PRORP: variants seen among roughly 807,000 people sequenced by gnomAD.
PRORP encodes the protein protein only RNase P catalytic subunit.
Under a neutral mutation model 59.4 loss-of-function variants are expected in PRORP, and 51 were observed. That is an observed-to-expected ratio of 0.86 (90% CI 0.69 to 1.08). The LOEUF (loss-of-function observed/expected upper bound fraction) is 1.08, where lower values mean the gene tolerates loss of function less well. PRORP is among the 50% of genes least tolerant of loss of function. The probability of loss-of-function intolerance (pLI) is 0.00; values close to 1 mark genes in which losing one functional copy is unlikely to be tolerated. For synonymous variants in PRORP, 231 were observed against 245.6 expected, an observed-to-expected ratio of 0.94 and a Z score of 0.55; for missense variants, 646 against 690.3, an observed-to-expected ratio of 0.94 and a Z score of 0.72.
chr14:35,182,034 C>G (rs890450274), intron 5 of PRORP, among the ~76,000 whole-genome samples: 2 of 151,662 alleles, frequency 1.3e-5, no homozygotes, highest in African/African-American at 4.8e-5. Flanking sequence ...GAGGCTGAGG[C>G]GGGCAGATTG....
chr14:35,153,307 G>T (rs971578009), intron 4 of PRORP, among the ~76,000 whole-genome samples: 5 of 152,222 alleles, frequency 3.3e-5, no homozygotes, highest in South Asian at 2.1e-4. Flanking sequence ...GGAGAATCAG[G>T]CAGGGAGGTT....
At chr14:35,138,433 T>C (rs1355040967) in intron 4 of PRORP, among the ~76,000 whole-genome samples, 1 of 145,604 alleles carries the variant, frequency 6.9e-6, no homozygotes, top group Non-Finnish European at 1.5e-5. Flanking sequence ...GTTAGGAACA[T>C]TAGAAACATC....
At chr14:35,132,029 G>A (rs555303805) in intron 4 of PRORP, among the ~76,000 whole-genome samples, 9 of 151,254 alleles carry the variant, frequency 6.0e-5, no homozygotes, top group South Asian at 4.2e-4. Context: ...TAGTAGCGAC[G>A]GGTTTCACCA....
At chr14:35,204,668 T>C (rs901016473) in intron 5 of PRORP, among the ~76,000 whole-genome samples, 10 of 152,232 alleles carry the variant, frequency 6.6e-5, no homozygotes, top group African/African-American at 2.4e-4. Flanking sequence ...TAAATATCTG[T>C]AGCAGAAGAC....
In PRORP at chr14:35,223,609, G is replaced by A. The variant is rs374618297; in HGVS notation, c.1275+42832G>A. On this transcript the variant is annotated intron_variant, in intron 5 of 7. Coordinates refer to ENST00000534898, the MANE Select transcript of PRORP (RefSeq NM_014672.4). ...CAAGTAGCTGGGATTACAGGTGCGC[G>A]CCACTGCGCCCAGCTAATTTTTTGT... Among the ~76,000 whole-genome samples the A allele has an allele frequency of 2.3e-3, 349 of 152,110 alleles. 2 individuals are homozygous for A. Among genetic ancestry groups the A allele is most frequent in the Non-Finnish European group, 3.8e-3 (261 of 67,986 alleles).
rs571693800 is a variant in PRORP, at chr14:35,150,201, A to T, written c.1167+22590A>T. 7.9e-5 allele frequency among the ~76,000 whole-genome samples: 12 copies of T among 152,308 alleles called. No individual in the cohort carries two copies. The South Asian group carries it at 2.5e-3, about 32-fold the overall frequency. ...TAAGCTCAGTGATTTCAAGCTTTTG[A>T]TTTAAAGTGTAAGACCGGAGACTCT... On this transcript the variant is annotated intron_variant, in intron 4 of 7. Transcript: ENST00000534898.
intron 4 of PRORP, among the ~76,000 whole-genome samples, chr14:35,163,327 A>G (rs1354486528): frequency 6.6e-6 from 1 of 152,072 alleles, no homozygotes; most frequent in African/African-American, 2.4e-5. Flanking sequence ...GTTGCACTCT[A>G]TTTTAGTTCT....
intron 5 of PRORP, among the ~76,000 whole-genome samples, chr14:35,233,304 C>T (rs902287968): frequency 6.7e-6 from 1 of 150,012 alleles, no homozygotes; most frequent in South Asian, 2.1e-4. Context: ...CATCTCTCTT[C>T]CTAATAAATA....
intron 4 of PRORP, among the ~76,000 whole-genome samples, chr14:35,128,983 G>C (rs2047165121): frequency 6.6e-6 from 1 of 151,826 alleles, no homozygotes; most frequent in African/African-American, 2.4e-5. Context: ...GATCACCTGA[G>C]GTCAGGAGTT....
At chr14:35,259,999 T>TTG in intron 5 of PRORP, among the ~76,000 whole-genome samples, 1 of 144,554 alleles carries the variant, frequency 6.9e-6, no homozygotes, top group East Asian at 2.0e-4. Context: ...TCGGGTTTTT[T>TTG]TTTTTTTTTT....
intron 5 of PRORP, among the ~76,000 whole-genome samples, chr14:35,212,850 A>G (rs889425222): frequency 6.6e-6 from 1 of 152,194 alleles, no homozygotes; most frequent in East Asian, 1.9e-4. Context: ...TTCTCTAGTT[A>G]TGAAAGTCCT....
At chr14:35,218,459 T>TTAA (rs1555329355) in intron 5 of PRORP, among the ~76,000 whole-genome samples, 1,725 of 44,748 alleles carry the variant, frequency 0.039, 111 homozygotes, top group Admixed American at 0.13. Context: ...AGATCCTGTC[T>TTAA]AAAAAAAGAA....
Position 35,183,656 on chromosome 14 carries a change from A to G in PRORP, c.1275+2879A>G, listed in dbSNP as rs1345990455. Among the ~76,000 whole-genome samples the G allele has an allele frequency of 2.6e-5, 4 of 152,298 alleles. No homozygotes were observed. The East Asian group carries it at 7.7e-4, about 29-fold the overall frequency. On this transcript the variant is annotated intron_variant, in intron 5 of 7. Coordinates refer to ENST00000534898, the MANE Select transcript of PRORP (RefSeq NM_014672.4). ...TTTAAAGATCTCACTATATATTGCC[A>G]AATTGCTTTCCAAAATGATTGTAGT...
chr14:35,131,669 C>T (rs1384446363), intron 4 of PRORP, among the ~76,000 whole-genome samples: 2 of 151,472 alleles, frequency 1.3e-5, no homozygotes, highest in African/African-American at 2.4e-5. Context: ...GCTGGGATTA[C>T]AGGCATCTGC....
intron 5 of PRORP, among the ~76,000 whole-genome samples, chr14:35,213,036 A>C (rs1247222567): frequency 1.3e-5 from 2 of 152,102 alleles, no homozygotes; most frequent in Non-Finnish European, 2.9e-5. Flanking sequence ...ACTTTCTTTA[A>C]ACCTCATGAG....
chr14:35,135,891 G>C (rs1391548043), intron 4 of PRORP, among the ~76,000 whole-genome samples: 2 of 151,462 alleles, frequency 1.3e-5, no homozygotes, highest in African/African-American at 4.9e-5. Flanking sequence ...CTGGGAGGCG[G>C]AGGTTGCAGT....
At chr14:35,175,779 C>T (rs200619680) in intron 4 of PRORP, among the ~76,000 whole-genome samples, 2 of 151,928 alleles carry the variant, frequency 1.3e-5, no homozygotes, top group East Asian at 1.9e-4. Flanking sequence ...CTTTTGTTGC[C>T]ATTGCTTTTA....
intron 5 of PRORP, among the ~76,000 whole-genome samples, chr14:35,253,972 TGAATGA>T (rs1254653209): frequency 6.6e-6 from 1 of 151,468 alleles, no homozygotes; most frequent in Non-Finnish European, 1.5e-5. Context: ...GCATGTTCCC[TGAATGA>T]CTCCCAAATC....
At chr14:35,228,760 A>G (rs2050001275) in intron 5 of PRORP, among the ~76,000 whole-genome samples, 1 of 152,214 alleles carries the variant, frequency 6.6e-6, no homozygotes, top group African/African-American at 2.4e-5. Context: ...TAATGTTGCG[A>G]TGAACATATG....
Sources: allele counts gnomAD v4.1 joint callset (sites outside exome capture counted in the v4.1 genomes callset), GRCh38; gene constraint gnomAD v4.1.1; transcripts MANE v1.5; gene names NCBI Gene and HGNC (gene_info 2026-07-23, HGNC 2026-07-21).